The following EYS variants were observed in gnomAD, a reference collection of about 807,000 sequenced individuals.
EYS encodes the protein EGF-like photoreceptor maintenance factor, also known as protein eyes shut homolog.
Under a neutral mutation model 282.1 loss-of-function variants are expected in EYS, and 250 were observed. The observed-to-expected ratio is 0.89, with a 90% CI of 0.80 to 0.98. EYS has a LOEUF of 0.98. Ranked by LOEUF, EYS falls within the 50% of genes least tolerant of loss-of-function variation. The probability of loss-of-function intolerance (pLI) is 0.00; values close to 1 mark genes in which losing one functional copy is unlikely to be tolerated. For missense variants in EYS, 4,016 were observed against 3,709.0 expected (o/e 1.08, Z -2.15); for synonymous variants, 1,355 against 1,282.9 (o/e 1.06, Z -1.20).
At chr6:64,905,323 T>A (rs1767789477) in intron 16 of EYS, among the ~76,000 whole-genome samples, 2 of 152,222 alleles carry the variant, frequency 1.3e-5, no homozygotes, top group Admixed American at 6.5e-5. Flanking sequence ...ATATATGAAG[T>A]TACAGGTAAG....
intron 29 of EYS, among the ~76,000 whole-genome samples, chr6:64,343,425 A>G (rs1771219670): frequency 1.3e-5 from 2 of 152,144 alleles, no homozygotes; most frequent in African/African-American, 2.4e-5. Context: ...GCTCAACTAC[A>G]TGGAAACTGA....
intron 11 of EYS, chr6:65,331,161 CATG>C (rs1769783550): frequency 2.3e-6 from 2 of 878,446 alleles, no homozygotes; most frequent in Non-Finnish European, 1.4e-6. Flanking sequence ...ATATATATAA[CATG>C]ATAATTAGTT....
At chr6:64,436,844 T>C (rs1305051733) in intron 27 of EYS, among the ~76,000 whole-genome samples, 1 of 151,818 alleles carries the variant, frequency 6.6e-6, no homozygotes. Context: ...TACATGGATG[T>C]GCTACATTGG....
rs1766467979 is a variant in EYS, at chr6:64,593,247, G to A, written c.3747C>T (p.Ile1249=). 2 of 1,550,568 alleles carry A rather than the reference G, an allele frequency of 1.3e-6. No homozygotes were observed. The highest frequency in any genetic ancestry group is 2.4e-5 in the South Asian group (2 of 83,976). The change falls in exon 25 of 43, where the codon ATC becomes ATT. Residue 1249 remains isoleucine (I), a synonymous_variant. Coordinates refer to ENST00000503581, the MANE Select transcript of EYS (RefSeq NM_001142800.2). ...TGGAAATGGGATCTGTTCTTTGAAA[G>A]ATGGGAGTTAAACAGGTAATTCTCC... is the stretch of plus-strand genomic sequence containing the variant. ...EIRRITCLTP[I]FQRTDPISTQ...
intron 13 of EYS, 36 bp downstream of exon 13, chr6:65,057,578 T>G: frequency 8.0e-7 from 1 of 1,254,116 alleles, no homozygotes; most frequent in Non-Finnish European, 1.1e-6. Flanking sequence ...TAAAGTTAAT[T>G]ATGTTTGCTT....
intron 30 of EYS, among the ~76,000 whole-genome samples, chr6:64,296,768 G>T (rs2150369990): frequency 6.6e-6 from 1 of 151,736 alleles, no homozygotes; most frequent in Non-Finnish European, 1.5e-5. Flanking sequence ...AACCAAGCCA[G>T]GCTAACTTTT....
intron 29 of EYS, among the ~76,000 whole-genome samples, chr6:64,343,847 A>G (rs1188016044): frequency 6.6e-6 from 1 of 152,132 alleles, no homozygotes; most frequent in African/African-American, 2.4e-5. Flanking sequence ...AGAATCAAAT[A>G]GACGCAATAA....
At chr6:65,368,490 C>A (rs937368008) in intron 8 of EYS, among the ~76,000 whole-genome samples, 1 of 151,386 alleles carries the variant, frequency 6.6e-6, no homozygotes, top group African/African-American at 2.4e-5. Context: ...TAAGGTTGAC[C>A]AAAAATAAAG....
At chr6:63,738,565 C>T (rs1217149029) in intron 41 of EYS, among the ~76,000 whole-genome samples, 1 of 124,098 alleles carries the variant, frequency 8.1e-6, no homozygotes, top group Non-Finnish European at 1.6e-5. Context: ...GGAAGGGGAA[C>T]ATCACACTCT....
At chr6:65,378,947 T>C (rs947950382) in intron 8 of EYS, among the ~76,000 whole-genome samples, 2 of 151,930 alleles carry the variant, frequency 1.3e-5, no homozygotes, top group Non-Finnish European at 2.9e-5. Flanking sequence ...GACAGGTTGA[T>C]GGGTGCAGCA....
intron 13 of EYS, among the ~76,000 whole-genome samples, chr6:65,018,568 A>G (rs1772134554): frequency 1.3e-5 from 2 of 152,242 alleles, no homozygotes; most frequent in Admixed American, 1.3e-4. Context: ...TATTATTACA[A>G]TAAAGTGCTA....
chr6:64,127,303 G>A (rs573980230), intron 31 of EYS, among the ~76,000 whole-genome samples: 2 of 152,222 alleles, frequency 1.3e-5, no homozygotes, highest in Admixed American at 1.3e-4. Context: ...CCTAGACTAA[G>A]TGACTTTTCA....
chr6:64,979,018 T>TA (rs1469574616), intron 14 of EYS, among the ~76,000 whole-genome samples: 2 of 151,888 alleles, frequency 1.3e-5, no homozygotes, highest in African/African-American at 4.8e-5. Flanking sequence ...GAATATTACA[T>TA]AAACAGTTGA....
chr6:64,205,844 CATAT>C (rs1554218574), intron 31 of EYS, among the ~76,000 whole-genome samples: 2 of 138,476 alleles, frequency 1.4e-5, no homozygotes, highest in African/African-American at 5.3e-5. Context: ...CACACACACA[CATAT>C]ATATATATAG....
chr6:63,834,812 T>A (rs1013215934), intron 36 of EYS, among the ~76,000 whole-genome samples: 3 of 151,830 alleles, frequency 2.0e-5, no homozygotes, highest in Non-Finnish European at 4.4e-5. Context: ...CAAATGTCCA[T>A]CAATGATAGA....
chr6:64,733,382 C>T (rs1024289491), intron 22 of EYS: 2 of 174,430 alleles, frequency 1.1e-5, no homozygotes, highest in Non-Finnish European at 2.5e-5. Context: ...CATCCAGGAG[C>T]TTGGTGCTTA....
chr6:64,841,631 A>C (rs997291899), intron 19 of EYS, among the ~76,000 whole-genome samples: 4 of 152,190 alleles, frequency 2.6e-5, no homozygotes, highest in Non-Finnish European at 2.9e-5. Context: ...GCTTTGATAC[A>C]TCAACAGGAA....
chr6:63,908,012 G>GTGTA (rs1491193336), intron 35 of EYS, among the ~76,000 whole-genome samples: 45 of 131,174 alleles, frequency 3.4e-4, no homozygotes, highest in African/African-American at 1.2e-3. Flanking sequence ...ACACACAAAC[G>GTGTA]TATATATATA....
At chr6:65,018,978 A>T (rs1772153731) in intron 13 of EYS, among the ~76,000 whole-genome samples, 1 of 152,178 alleles carries the variant, frequency 6.6e-6, no homozygotes, top group African/African-American at 2.4e-5. Context: ...TCTAGAAATA[A>T]AAATAAAGCT....
Sources: allele counts gnomAD v4.1 joint callset (sites outside exome capture counted in the v4.1 genomes callset), GRCh38; gene constraint gnomAD v4.1.1; transcripts MANE v1.5; gene names NCBI Gene and HGNC (gene_info 2026-07-23, HGNC 2026-07-21).